Variants in ADAMTSL3 observed in about 807,000 individuals in gnomAD.
ADAMTSL3 encodes the protein ADAMTS-like protein 3.
A neutral mutation model predicts 201.7 loss-of-function variants in ADAMTSL3; 128 were observed. That is an observed-to-expected ratio of 0.63 (90% CI 0.55 to 0.73). ADAMTSL3 has a LOEUF of 0.73. Among genes scored for constraint, ADAMTSL3 ranks in the 30% least tolerant of loss-of-function variants. The pLI is 0.00. For synonymous variants in ADAMTSL3, 738 were observed against 748.4 expected (o/e 0.99, Z 0.23); for missense variants, 1,990 against 2,119.6 (o/e 0.94, Z 1.20).
At chr15:83,689,277 C>T (rs1461964870) in intron 2 of ADAMTSL3, among the ~76,000 whole-genome samples, 1 of 152,158 alleles carries the variant, frequency 6.6e-6, no homozygotes, top group East Asian at 1.9e-4. Context: ...TAGGTACCTA[C>T]CGTGGAGCTT....
At chr15:84,021,335 T>A in intron 25 of ADAMTSL3, 75 bp from the exon 26 acceptor site, 5 of 1,538,630 alleles carry the variant, frequency 3.2e-6, no homozygotes, top group Non-Finnish European at 4.5e-6. Flanking sequence ...TCATGGTGGT[T>A]TTTGGCCATG....
At chr15:83,784,045 G>A (rs1174299428) in intron 4 of ADAMTSL3, among the ~76,000 whole-genome samples, 8 of 152,192 alleles carry the variant, frequency 5.3e-5, no homozygotes, top group Non-Finnish European at 1.5e-5. Context: ...GGAAGCTGCA[G>A]TTGAAGGCAT....
At chr15:83,822,666 C>G (rs1767499584) in intron 6 of ADAMTSL3, among the ~76,000 whole-genome samples, 1 of 150,556 alleles carries the variant, frequency 6.6e-6, no homozygotes, top group South Asian at 2.1e-4. Flanking sequence ...TCCTCACTTC[C>G]TAGATGGGAT....
intron 2 of ADAMTSL3, among the ~76,000 whole-genome samples, chr15:83,681,883 C>T (rs868780768): frequency 3.3e-5 from 5 of 152,204 alleles, no homozygotes; most frequent in Non-Finnish European, 5.9e-5. Context: ...CATAACATTG[C>T]TCCTCTTTTC....
intron 6 of ADAMTSL3, among the ~76,000 whole-genome samples, chr15:83,826,297 A>C (rs1359702328): frequency 6.6e-6 from 1 of 151,670 alleles, no homozygotes; most frequent in Admixed American, 6.6e-5. Flanking sequence ...TATTTTTTAC[A>C]TTTTTTGTAG....
chr15:83,977,212 C>T (rs1216243847), intron 20 of ADAMTSL3, among the ~76,000 whole-genome samples: 9 of 152,094 alleles, frequency 5.9e-5, no homozygotes, highest in African/African-American at 2.4e-5. Context: ...GCCTGATGAT[C>T]TGAGGTGGAA....
intron 3 of ADAMTSL3, among the ~76,000 whole-genome samples, chr15:83,756,486 G>A (rs543468005): frequency 7.2e-5 from 11 of 152,122 alleles, no homozygotes; most frequent in East Asian, 1.9e-4. Context: ...AGAAAGACTC[G>A]CCCTCATGAT....
At chr15:83,988,195 CG>C (rs1464330460) in intron 21 of ADAMTSL3, among the ~76,000 whole-genome samples, 1 of 152,150 alleles carries the variant, frequency 6.6e-6, no homozygotes, top group East Asian at 1.9e-4. Context: ...TGACCTCAAT[CG>C]ACTTCTTCAT....
chr15:83,885,094 T>C lies in ADAMTSL3; in HGVS notation c.961-7T>C. ...GCACGTGTGTTCTCACAGTTCTCTT[T>C]GTCCAGACCAGGTACACTGCAGCCA... is the stretch of plus-strand genomic sequence containing the variant. On this transcript the variant is annotated splice_region_variant and splice_polypyrimidine_tract_variant and intron_variant, in intron 9 of 29. Transcript: ENST00000286744. The C allele has an allele frequency of 6.2e-7, 1 of 1,605,604 alleles. No homozygotes were observed.
At chr15:83,900,358 A>C (rs1378593238) in intron 15 of ADAMTSL3, among the ~76,000 whole-genome samples, 2 of 152,252 alleles carry the variant, frequency 1.3e-5, no homozygotes, top group Non-Finnish European at 2.9e-5. Flanking sequence ...TAACAGTGCC[A>C]GTGGAAATTA....
intron 9 of ADAMTSL3, among the ~76,000 whole-genome samples, chr15:83,881,366 A>G (rs1019538906): frequency 6.6e-6 from 1 of 152,220 alleles, no homozygotes; most frequent in African/African-American, 2.4e-5. Flanking sequence ...CCACTACGTG[A>G]GGCTGATGAC....
At chr15:83,842,820 A>G (rs1310259605) in intron 7 of ADAMTSL3, among the ~76,000 whole-genome samples, 1 of 152,222 alleles carries the variant, frequency 6.6e-6, no homozygotes, top group Non-Finnish European at 1.5e-5. Context: ...GAGAAAGACA[A>G]TAGCCAGATC....
At position 83,736,197 on chromosome 15, in the gene ADAMTSL3, C is replaced by T. The variant is rs543840252; in HGVS notation, c.189+31689C>T. Among the ~76,000 whole-genome samples the T allele has an allele frequency of 2.0e-3, 301 of 152,256 alleles. 2 individuals are homozygous for T. Among genetic ancestry groups the T allele is most frequent in the African/African-American group, 7.0e-3 (292 of 41,570 alleles). On this transcript the variant is annotated intron_variant, in intron 3 of 29. Transcript: ENST00000286744. ...ACTGGATTTTTCTGTTAATTCTGGC[C>T]TTTGGCCCCTTTCCAATATTAACTG... is the stretch of plus-strand genomic sequence containing the variant.
intron 2 of ADAMTSL3, among the ~76,000 whole-genome samples, chr15:83,661,090 G>A (rs1279376448): frequency 6.8e-6 from 1 of 147,026 alleles, no homozygotes; most frequent in African/African-American, 2.5e-5. Context: ...TCAGATAGTT[G>A]TAGATATGTG....
chr15:83,965,388 T>C (rs1261420115), intron 19 of ADAMTSL3, among the ~76,000 whole-genome samples: 1 of 148,858 alleles, frequency 6.7e-6, no homozygotes, highest in Non-Finnish European at 1.5e-5. Context: ...GCAGTCCTAG[T>C]CTCTGATAAA....
chr15:84,013,341 G>A (rs2068036147), intron 23 of ADAMTSL3, among the ~76,000 whole-genome samples: 1 of 152,248 alleles, frequency 6.6e-6, no homozygotes, highest in Admixed American at 6.5e-5. Context: ...ACTGTAAGGT[G>A]TGTTGCACAT....
chr15:83,735,509 A>G (rs2062355911), intron 3 of ADAMTSL3, among the ~76,000 whole-genome samples: 1 of 152,168 alleles, frequency 6.6e-6, no homozygotes, highest in Non-Finnish European at 1.5e-5. Context: ...TTCTTTCCAG[A>G]TTCATAGCCT....
At chr15:83,783,837 CTGTGTG>C (rs59071955) in intron 4 of ADAMTSL3, among the ~76,000 whole-genome samples, 89 of 148,758 alleles carry the variant, frequency 6.0e-4, no homozygotes, top group Middle Eastern at 3.4e-3. Flanking sequence ...CATATATACT[CTGTGTG>C]TGTGTGTGTG....
At chr15:83,722,440 T>G (rs1254896648) in intron 3 of ADAMTSL3, among the ~76,000 whole-genome samples, 1 of 152,196 alleles carries the variant, frequency 6.6e-6, no homozygotes, top group Non-Finnish European at 1.5e-5. Context: ...GTATTGCATT[T>G]TGATTTCAAA....
Sources: allele counts gnomAD v4.1 joint callset (sites outside exome capture counted in the v4.1 genomes callset), GRCh38; gene constraint gnomAD v4.1.1; transcripts MANE v1.5; gene names NCBI Gene and HGNC (gene_info 2026-07-23, HGNC 2026-07-21).